PGAP1: variants seen among roughly 807,000 people sequenced by gnomAD.
PGAP1 encodes GPI inositol-deacylase.
A neutral mutation model predicts 127.0 loss-of-function variants in PGAP1; 76 were observed. The observed-to-expected ratio is 0.60, with a 90% CI of 0.50 to 0.72. PGAP1 has a LOEUF of 0.72. PGAP1 is among the 30% of genes least tolerant of loss of function. The pLI is 0.00. For synonymous variants in PGAP1, 362 were observed against 366.5 expected, an observed-to-expected ratio of 0.99 and a Z score of 0.14; for missense variants, 982 against 1,071.3, an observed-to-expected ratio of 0.92 and a Z score of 1.16.
At chr2:196,898,514 A>G in intron 5 of PGAP1, 145 bp from the exon 6 acceptor site, 1 of 544,896 alleles carries the variant, frequency 1.8e-6, no homozygotes, top group Non-Finnish European at 3.3e-6. Flanking sequence ...TGATATTCTT[A>G]TAAAAGGTGA....
In PGAP1 at chr2:196,872,748, G is replaced by A; in HGVS notation, c.1620-199C>T. On this transcript the variant is annotated intron_variant, in intron 17 of 26. Coordinates refer to ENST00000354764, the MANE Select transcript of PGAP1 (RefSeq NM_024989.4). ...TAGGACACAGGAGTTGCGAGAGGGT[G>A]GAAGGGGGTTCAGGTTCCAAGGAAG... The A allele has an allele frequency of 3.5e-6, 2 of 574,632 alleles. 1 individual carries two copies. Among genetic ancestry groups the A allele is most frequent in the South Asian group, 5.2e-5 (2 of 38,384 alleles). 35.6% of individuals were successfully genotyped at this position (574,632 alleles called of 1,614,324 possible). A position where few individuals can be genotyped will look rare whatever the true frequency, so the allele number is the denominator to read the frequency against.
chr2:196,886,704 T>A (rs1701920317), intron 10 of PGAP1, among the ~76,000 whole-genome samples: 1 of 151,872 alleles, frequency 6.6e-6, no homozygotes, highest in Non-Finnish European at 1.5e-5. Flanking sequence ...AGCAAATAAG[T>A]CCCTTTTTTT....
intron 13 of PGAP1, among the ~76,000 whole-genome samples, 163 bp from the exon 14 acceptor site, chr2:196,875,984 T>C (rs1167755639): frequency 6.6e-6 from 1 of 152,108 alleles, no homozygotes; most frequent in Admixed American, 6.6e-5. Context: ...GGCAAGAATT[T>C]CTCAAGGAGA....
In PGAP1 at chr2:196,916,684, CTGCATCACGA is replaced by C. The variant is rs1326650755; in HGVS notation, c.302-101_302-92del. 7 of 1,259,516 alleles carry C rather than the reference CTGCATCACGA, an allele frequency of 5.6e-6. No individual in the cohort carries two copies. In the East Asian group the frequency reaches 1.9e-4, roughly 34 times the overall value. 78.0% of individuals were successfully genotyped at this position (1,259,516 alleles called of 1,614,324 possible). ...GAATTTCTTAGTAAATAACCTTATC[CTGCATCACGA>C]ATATAAACCACCTATTTCAGGATGA... On this transcript the variant is annotated intron_variant, in intron 2 of 26. Transcript: ENST00000354764.
At chr2:196,872,582 T>C in intron 17 of PGAP1, 33 bp from the exon 18 acceptor site, 1 of 1,439,538 alleles carries the variant, frequency 6.9e-7, no homozygotes, top group South Asian at 1.1e-5. Flanking sequence ...AATTCTCAAA[T>C]ACAAAATGCT....
At chr2:196,869,343 C>T (rs1701338391) in intron 19 of PGAP1, among the ~76,000 whole-genome samples, 1 of 151,814 alleles carries the variant, frequency 6.6e-6, no homozygotes, top group Admixed American at 6.6e-5. Flanking sequence ...GGTCCCTTAA[C>T]ATTTTTTTTT....
At chr2:196,915,952 C>T (rs924438340) in intron 3 of PGAP1, among the ~76,000 whole-genome samples, 1 of 152,142 alleles carries the variant, frequency 6.6e-6, no homozygotes, top group African/African-American at 2.4e-5. Flanking sequence ...GTCTGGAAAA[C>T]GCTTCCGGGC....
chr2:196,915,254 C>T (rs1469960855), intron 3 of PGAP1, among the ~76,000 whole-genome samples: 1 of 152,116 alleles, frequency 6.6e-6, no homozygotes, highest in Admixed American at 6.5e-5. Flanking sequence ...AGGTCTCCGC[C>T]CTTAGATCAC....
intron 10 of PGAP1, among the ~76,000 whole-genome samples, chr2:196,888,025 C>A (rs1000167645): frequency 6.6e-6 from 1 of 152,126 alleles, no homozygotes; most frequent in African/African-American, 2.4e-5. Context: ...CATACTACTT[C>A]GGTGTATAGG....
intron 3 of PGAP1, among the ~76,000 whole-genome samples, chr2:196,915,255 C>T (rs948878936): frequency 6.6e-6 from 1 of 152,148 alleles, no homozygotes; most frequent in African/African-American, 2.4e-5. Context: ...GGTCTCCGCC[C>T]TTAGATCACT....
chr2:196,871,048 A>G (rs373455108), intron 18 of PGAP1, 69 bp from the exon 19 acceptor site: 1 of 1,109,994 alleles, frequency 9.0e-7, no homozygotes. Flanking sequence ...TATTAAATTG[A>G]GCACTTATGC....
chr2:196,879,105 C>T (rs528100910), intron 13 of PGAP1, among the ~76,000 whole-genome samples: 7 of 151,970 alleles, frequency 4.6e-5, no homozygotes, highest in African/African-American at 1.4e-4. Context: ...TTATGTTGAC[C>T]GGGCTGCAGT....
intron 20 of PGAP1, among the ~76,000 whole-genome samples, chr2:196,864,390 C>CAAAA (rs752788293): frequency 5.3e-4 from 17 of 32,360 alleles, no homozygotes; most frequent in East Asian, 2.1e-3. Flanking sequence ...AACTACGTCT[C>CAAAA]AAAAAAAAAA....
intron 10 of PGAP1, 66 bp from the exon 11 acceptor site, chr2:196,885,946 A>C (rs763950227): frequency 1.7e-5 from 19 of 1,117,912 alleles, no homozygotes; most frequent in Admixed American, 3.3e-5. Flanking sequence ...CAAAACAAAC[A>C]CCCATTTTCA....
intron 12 of PGAP1, among the ~76,000 whole-genome samples, chr2:196,882,064 T>A (rs1701751821): frequency 6.6e-6 from 1 of 152,226 alleles, no homozygotes; most frequent in African/African-American, 2.4e-5. Flanking sequence ...ACCTTCTGCA[T>A]AAGGCTAGGC....
At position 196,847,312 on chromosome 2, in the gene PGAP1, A is replaced by G. The variant is rs181300133; in HGVS notation, c.1953-112T>C. 2.4e-4 allele frequency: 182 copies of G among 755,038 alleles called. 1 individual carries two copies. The highest frequency in any genetic ancestry group is 4.2e-5 in the Non-Finnish European group (20 of 475,162). The allele number at this position is 755,038 out of a possible 1,614,324, so 46.8% of individuals were successfully genotyped here. A position where few individuals can be genotyped will look rare whatever the true frequency, so the allele number is the denominator to read the frequency against. ...AGTCTCTAAAGTTCCATGATACTTA[A>G]TTTATAATTATACTGAAAAACAAAT... is the stretch of plus-strand genomic sequence containing the variant. On this transcript the variant is annotated intron_variant, in intron 21 of 26. Coordinates refer to ENST00000354764, the MANE Select transcript of PGAP1 (RefSeq NM_024989.4).
intron 2 of PGAP1, among the ~76,000 whole-genome samples, chr2:196,917,563 C>T (rs13411525): frequency 0.014 from 2,159 of 152,268 alleles, 46 homozygotes; most frequent in African/African-American, 0.049. Flanking sequence ...TCTGTCTCTA[C>T]GGGTTTGCCT....
chr2:196,871,586 T>G (rs1701412591), intron 18 of PGAP1, among the ~76,000 whole-genome samples: 1 of 152,154 alleles, frequency 6.6e-6, no homozygotes, highest in African/African-American at 2.4e-5. Context: ...ACTATGGCCC[T>G]GCAAAACCCT....
At chr2:196,857,139 A>G (rs1205557450) in intron 20 of PGAP1, among the ~76,000 whole-genome samples, 4 of 152,256 alleles carry the variant, frequency 2.6e-5, no homozygotes, top group African/African-American at 9.6e-5. Flanking sequence ...CTCTATACCT[A>G]GAAAACCCCA....
Sources: gnomAD v4.1 joint callset for allele counts (sites outside exome capture counted in the v4.1 genomes callset) on GRCh38, gnomAD v4.1.1 for gene constraint, MANE v1.5 for transcripts, NCBI Gene and HGNC (gene_info 2026-07-23, HGNC 2026-07-21) for gene names.